The following KCNIP1 variants were observed in gnomAD, a reference collection of about 807,000 sequenced individuals.
KCNIP1 encodes A-type potassium channel modulatory protein KCNIP1.
A neutral mutation model predicts 33.0 loss-of-function variants in KCNIP1; 18 were observed. That is an observed-to-expected ratio of 0.55 (90% CI 0.38 to 0.81). The LOEUF (loss-of-function observed/expected upper bound fraction) is 0.81. KCNIP1 is among the 30% of genes least tolerant of loss of function. The probability of loss-of-function intolerance (pLI) is 0.00; values close to 1 mark genes in which losing one functional copy is unlikely to be tolerated. For synonymous variants in KCNIP1, 93 were observed against 98.3 expected (o/e 0.95, Z 0.32); for missense variants, 238 against 271.6 (o/e 0.88, Z 0.87).
intron 1 of KCNIP1, among the ~76,000 whole-genome samples, chr5:170,393,911 GCTGT>G (rs774961076): frequency 1.1e-3 from 173 of 152,250 alleles, no homozygotes; most frequent in Non-Finnish European, 2.1e-3. Flanking sequence ...AAACAGCCCT[GCTGT>G]CTGTCTGTGT....
At chr5:170,362,741 C>T (rs1763546826) in intron 1 of KCNIP1, among the ~76,000 whole-genome samples, 1 of 152,194 alleles carries the variant, frequency 6.6e-6, no homozygotes, top group Non-Finnish European at 1.5e-5. Flanking sequence ...GGGCTTGTAT[C>T]TGAGAAGCTG....
chr5:170,356,797 G>A (rs182223156), intron 1 of KCNIP1, among the ~76,000 whole-genome samples: 14 of 152,308 alleles, frequency 9.2e-5, no homozygotes, highest in East Asian at 3.9e-4. Context: ...GACACCAGCC[G>A]TCAGCCTGAG....
intron 1 of KCNIP1, among the ~76,000 whole-genome samples, chr5:170,695,943 A>G (rs1762876825): frequency 6.7e-6 from 1 of 150,008 alleles, no homozygotes; most frequent in Non-Finnish European, 1.5e-5. Flanking sequence ...TGTTCGAACC[A>G]GGGATTCGAA....
At chr5:170,537,228 G>C (rs916645351) in intron 1 of KCNIP1, among the ~76,000 whole-genome samples, 2 of 152,172 alleles carry the variant, frequency 1.3e-5, no homozygotes, top group African/African-American at 4.8e-5. Flanking sequence ...CCCCTGGCCT[G>C]GTTCCTACAA....
intron 1 of KCNIP1, among the ~76,000 whole-genome samples, chr5:170,412,538 A>G (rs13182042): frequency 0.66 from 100,045 of 152,034 alleles, 32,986 homozygotes; most frequent in Middle Eastern, 0.73. Flanking sequence ...AAACCCTTTC[A>G]TCCAGAAATG....
At chr5:170,545,725 A>T (rs1292545480) in intron 1 of KCNIP1, among the ~76,000 whole-genome samples, 1 of 151,996 alleles carries the variant, frequency 6.6e-6, no homozygotes, top group East Asian at 1.9e-4. Context: ...AGATTTGAGA[A>T]GGCTATATGT....
At chr5:170,554,954 A>G (rs1298396107) in intron 1 of KCNIP1, among the ~76,000 whole-genome samples, 2 of 152,218 alleles carry the variant, frequency 1.3e-5, no homozygotes, top group Non-Finnish European at 2.9e-5. Context: ...GTATTTAATT[A>G]GACCAGGAAG....
rs116870795 is a variant in KCNIP1 at position 170,704,737 on chromosome 5, T to A, written c.62-14021T>A. The stretch of plus-strand genomic sequence containing the variant: ...GCCCCTCCAGGTCCCACTCTTCACC[T>A]CTTGTTTTTTATTTCTCCTGCCATA... On this transcript the variant is annotated intron_variant, in intron 1 of 7. Transcript: ENST00000328939. 2.8e-4 allele frequency among the ~76,000 whole-genome samples: 43 copies of A among 152,294 alleles called. 1 individual carries two copies. Among genetic ancestry groups the A allele is most frequent in the East Asian group, 1.7e-3 (9 of 5,186 alleles).
chr5:170,397,490 G>A (rs1754791718), intron 1 of KCNIP1, among the ~76,000 whole-genome samples: 2 of 143,246 alleles, frequency 1.4e-5, no homozygotes, highest in Admixed American at 7.1e-5. Flanking sequence ...TGAGCACATG[G>A]GGACTCCCTG....
At chr5:170,472,049 C>T (rs1010915091) in intron 1 of KCNIP1, among the ~76,000 whole-genome samples, 4 of 152,252 alleles carry the variant, frequency 2.6e-5, no homozygotes, top group South Asian at 2.1e-4. Flanking sequence ...CTTCCTCTGC[C>T]GGCCCACCCC....
intron 1 of KCNIP1, among the ~76,000 whole-genome samples, chr5:170,446,286 A>T (rs1257398967): frequency 6.6e-6 from 1 of 152,154 alleles, no homozygotes; most frequent in African/African-American, 2.4e-5. Flanking sequence ...GTGCAGTGAG[A>T]CTGGGTTTGA....
chr5:170,575,780 T>C (rs950968339), intron 1 of KCNIP1, among the ~76,000 whole-genome samples: 1 of 152,204 alleles, frequency 6.6e-6, no homozygotes, highest in Non-Finnish European at 1.5e-5. Flanking sequence ...GGCTTGACTT[T>C]CCAATGTGGG....
At chr5:170,465,879 A>C (rs1581217450) in intron 1 of KCNIP1, among the ~76,000 whole-genome samples, 1 of 152,294 alleles carries the variant, frequency 6.6e-6, no homozygotes, top group East Asian at 1.9e-4. Context: ...AAAGAAGACC[A>C]ATGTTTCTGA....
At chr5:170,394,316 T>C (rs569095676) in intron 1 of KCNIP1, among the ~76,000 whole-genome samples, 1 of 152,320 alleles carries the variant, frequency 6.6e-6, no homozygotes, top group Admixed American at 6.5e-5. Context: ...TAATTTAACA[T>C]TTATTCATGT....
At chr5:170,485,208 A>G (rs6870681) in intron 1 of KCNIP1, among the ~76,000 whole-genome samples, 138,243 of 152,186 alleles carry the variant, frequency 0.91, 62,818 homozygotes, top group South Asian at 0.95. Context: ...TCAAAGTGCC[A>G]GGATTATAGG....
intron 1 of KCNIP1, among the ~76,000 whole-genome samples, chr5:170,692,273 T>C (rs1561768106): frequency 6.6e-6 from 1 of 152,204 alleles, no homozygotes. Flanking sequence ...AGCAGGCTGC[T>C]GGGTGGGACC....
chr5:170,623,842 A>T (rs547723825), intron 1 of KCNIP1, among the ~76,000 whole-genome samples: 1 of 152,284 alleles, frequency 6.6e-6, no homozygotes, highest in South Asian at 2.1e-4. Context: ...GAGGTCTTAC[A>T]TTGGGGGCCC....
chr5:170,698,012 T>C (rs1021302624), intron 1 of KCNIP1, among the ~76,000 whole-genome samples: 2 of 152,106 alleles, frequency 1.3e-5, no homozygotes, highest in Non-Finnish European at 2.9e-5. Flanking sequence ...TAATTAAATA[T>C]TAAAAATCTA....
Position 170,602,312 on chromosome 5 carries a change from C to G in KCNIP1, c.61+97679C>G, listed in dbSNP as rs180732895. Among the ~76,000 whole-genome samples, 886 of 152,342 alleles carry G rather than the reference C, an allele frequency of 5.8e-3. 37 individuals are homozygous for G. The highest frequency in any genetic ancestry group is 0.055 in the Admixed American group (845 of 15,304). ...CTGCATCTTAGCCGCAAGGGACTTTCAGACCAAGCAGACCTGGAATCAAAT... is the reference window on the plus strand; with the variant it reads ...CTGCATCTTAGCCGCAAGGGACTTTGAGACCAAGCAGACCTGGAATCAAAT... On this transcript the variant is annotated intron_variant, in intron 1 of 7. Transcript: ENST00000328939.
Sources: allele counts gnomAD v4.1 joint callset (sites outside exome capture counted in the v4.1 genomes callset), GRCh38; gene constraint gnomAD v4.1.1; transcripts MANE v1.5; gene names NCBI Gene and HGNC (gene_info 2026-07-23, HGNC 2026-07-21).